Variants in RPTOR observed in about 807,000 individuals in gnomAD.
RPTOR encodes regulatory associated protein of MTOR complex 1.
RPTOR carries 21 observed loss-of-function variants against 169.9 expected under a neutral mutation model. The ratio of observed to expected loss-of-function variants is 0.12; its 90% confidence interval spans 0.09 to 0.18. The LOEUF is 0.18. RPTOR is among the 10% of genes least tolerant of loss of function. The pLI, the probability that RPTOR is intolerant of heterozygous loss-of-function variation, is 1.00. For synonymous variants in RPTOR, 732 were observed against 753.2 expected (o/e 0.97, Z 0.46); for missense variants, 1,133 against 1,855.9 (o/e 0.61, Z 7.16).
At chr17:80,642,443 C>T (rs990112554) in intron 2 of RPTOR, among the ~76,000 whole-genome samples, 1 of 152,094 alleles carries the variant, frequency 6.6e-6, no homozygotes, top group African/African-American at 2.4e-5. Flanking sequence ...CTTCTTAGTA[C>T]TTAAGACATT....
intron 13 of RPTOR, among the ~76,000 whole-genome samples, chr17:80,873,896 GCT>G (rs1360467121): frequency 2.6e-5 from 4 of 152,208 alleles, no homozygotes; most frequent in Non-Finnish European, 5.9e-5. Flanking sequence ...CTCGGTCTGT[GCT>G]GGGGAAGTCG....
At chr17:80,713,878 ATCT>A (rs1409140841) in intron 4 of RPTOR, among the ~76,000 whole-genome samples, 1 of 152,206 alleles carries the variant, frequency 6.6e-6, no homozygotes, top group African/African-American at 2.4e-5. Context: ...AGGTTAGAAG[ATCT>A]TCTTTTAGTA....
At chr17:80,630,801 G>C (rs2065436420) in intron 2 of RPTOR, among the ~76,000 whole-genome samples, 1 of 152,192 alleles carries the variant, frequency 6.6e-6, no homozygotes, top group African/African-American at 2.4e-5. Flanking sequence ...TCCACCCCTA[G>C]CCTGAGCTGT....
chr17:80,701,662 G>C (rs1040340067), intron 3 of RPTOR, among the ~76,000 whole-genome samples: 2 of 152,214 alleles, frequency 1.3e-5, no homozygotes, highest in Non-Finnish European at 2.9e-5. Flanking sequence ...AGTGTTGCAG[G>C]CATTTCGGTT....
intron 4 of RPTOR, among the ~76,000 whole-genome samples, chr17:80,720,045 T>C (rs1187442411): frequency 1.3e-5 from 2 of 152,208 alleles, no homozygotes; most frequent in African/African-American, 4.8e-5. Flanking sequence ...CTCACGCCTG[T>C]AATCCCAACA....
At chr17:80,607,906 T>C (rs2065240419) in intron 1 of RPTOR, among the ~76,000 whole-genome samples, 1 of 152,216 alleles carries the variant, frequency 6.6e-6, no homozygotes. Context: ...AGGCTAGGCA[T>C]AAATTCCTTA....
intron 7 of RPTOR, among the ~76,000 whole-genome samples, chr17:80,793,275 C>T (rs547207558): frequency 2.2e-4 from 33 of 152,278 alleles, no homozygotes; most frequent in African/African-American, 7.2e-4. Flanking sequence ...AAATCCGAAA[C>T]GCTTCCGGTT....
intron 3 of RPTOR, among the ~76,000 whole-genome samples, chr17:80,669,626 C>T (rs184875531): frequency 2.0e-5 from 3 of 152,072 alleles, no homozygotes; most frequent in East Asian, 1.9e-4. Context: ...TCAGGTGATC[C>T]GCCCGCCTTG....
chr17:80,616,298 C>CTTTTTTTTTTTTTTT (rs201229448), intron 1 of RPTOR, among the ~76,000 whole-genome samples: 2 of 113,270 alleles, frequency 1.8e-5, no homozygotes, highest in Non-Finnish European at 3.4e-5. Context: ...AATTGAAAAT[C>CTTTTTTTTTTTTTTT]TTTTTTTTTT....
chr17:80,654,139 T>C (rs1388185935), intron 3 of RPTOR, among the ~76,000 whole-genome samples: 2 of 152,184 alleles, frequency 1.3e-5, no homozygotes, highest in Non-Finnish European at 2.9e-5. Context: ...GTGCACTTGA[T>C]CCAGTGCCGG....
At chr17:80,704,202 C>T (rs148694980) in intron 3 of RPTOR, among the ~76,000 whole-genome samples, 7 of 152,322 alleles carry the variant, frequency 4.6e-5, no homozygotes, top group African/African-American at 1.7e-4. Context: ...TTAGAATGTA[C>T]TTACTTGAGT....
At chr17:80,705,123 CT>C (rs1319798208) in intron 3 of RPTOR, among the ~76,000 whole-genome samples, 2 of 152,280 alleles carry the variant, frequency 1.3e-5, no homozygotes, top group African/African-American at 4.8e-5. Flanking sequence ...CCTGGGCTCC[CT>C]GTGGGCCAGC....
intron 4 of RPTOR, among the ~76,000 whole-genome samples, chr17:80,725,432 C>T (rs1272782365): frequency 6.6e-6 from 1 of 152,230 alleles, no homozygotes; most frequent in Admixed American, 6.5e-5. Flanking sequence ...GAATTATTCT[C>T]TGTACTTTTA....
intron 14 of RPTOR, among the ~76,000 whole-genome samples, chr17:80,881,291 G>A (rs2589122): frequency 0.56 from 84,640 of 152,162 alleles, 24,382 homozygotes; most frequent in African/African-American, 0.7. Context: ...TAAACAGTAT[G>A]TGCACTTTGT....
chr17:80,633,055 C>T lies in RPTOR; in HGVS notation c.265+7262C>T, dbSNP rs1240814884. On this transcript the variant is annotated intron_variant, in intron 2 of 33. Transcript: ENST00000306801. This position sits in a 1 kb window ranked among gnomAD's most constrained non-coding sequence, Gnocchi z 4.1. The stretch of plus-strand genomic sequence containing the variant: ...TCAAGTGATCCTCCCACCTCGGCCT[C>T]TTAAAGTGTTGAAATGACCGGCATG... Among the ~76,000 whole-genome samples the T allele has an allele frequency of 6.6e-6, 1 of 152,176 alleles. No individual in the cohort carries two copies. The highest frequency in any genetic ancestry group is 1.5e-5 in the Non-Finnish European group (1 of 68,038).
At chr17:80,700,003 C>T (rs2066071220) in intron 3 of RPTOR, among the ~76,000 whole-genome samples, 2 of 152,152 alleles carry the variant, frequency 1.3e-5, no homozygotes. Context: ...AGACAAGGGA[C>T]ATTTAACATG....
At chr17:80,682,925 T>TG (rs1179520712) in intron 3 of RPTOR, among the ~76,000 whole-genome samples, 6 of 152,124 alleles carry the variant, frequency 3.9e-5, no homozygotes, top group Non-Finnish European at 5.9e-5. Context: ...CTCAGCCTCC[T>TG]GAGTAGCTGG....
At position 80,562,980 on chromosome 17, in the gene RPTOR, A is replaced by G. The variant is rs922050121; in HGVS notation, c.162+17189A>G. On this transcript the variant is annotated intron_variant, in intron 1 of 33. Transcript: ENST00000306801. The surrounding 1 kb of genome is among the most constrained non-coding windows in gnomAD (Gnocchi z 4.4). ...TCCTGAAGATGCTTCATGTTGGCAC[A>G]TGTGGCTTCATCGGGTGGGCTACCA... 1.3e-5 allele frequency among the ~76,000 whole-genome samples: 2 copies of G among 152,182 alleles called. No individual in the cohort carries two copies. Among genetic ancestry groups the G allele is most frequent in the Admixed American group, 6.5e-5 (1 of 15,278 alleles).
intron 1 of RPTOR, among the ~76,000 whole-genome samples, chr17:80,586,685 G>C (rs1260109097): frequency 6.6e-6 from 1 of 152,106 alleles, no homozygotes; most frequent in Non-Finnish European, 1.5e-5. Context: ...GGGCGCTGCA[G>C]CTTCCTGTCC....
Sources: gnomAD v4.1 joint callset for allele counts (sites outside exome capture counted in the v4.1 genomes callset) on GRCh38, gnomAD v4.1.1 for gene constraint, Gnocchi (gnomAD v3.1) non-coding constraint, MANE v1.5 for transcripts, NCBI Gene and HGNC (gene_info 2026-07-23, HGNC 2026-07-21) for gene names.